The following SP8 variants were observed in gnomAD, a reference collection of about 807,000 sequenced individuals.
SP8 encodes transcription factor Sp8.
Under a neutral mutation model 15.3 loss-of-function variants are expected in SP8, and 7 were observed. The observed-to-expected ratio is 0.46, with a 90% CI of 0.26 to 0.86. The LOEUF (loss-of-function observed/expected upper bound fraction) is 0.86, where lower values mean the gene tolerates loss of function less well. Among genes scored for constraint, SP8 ranks in the 40% least tolerant of loss-of-function variants. SP8 has a pLI of 0.16. For synonymous variants in SP8, 415 were observed against 356.3 expected (o/e 1.16, Z -1.86); for missense variants, 731 against 736.4 (o/e 0.99, Z 0.09).
chr7:20,786,479 C>G lies in SP8; in HGVS notation c.21+299G>C, dbSNP rs956632073. Among the ~76,000 whole-genome samples the G allele has an allele frequency of 6.6e-6, 1 of 152,094 alleles. No homozygotes were observed. Among genetic ancestry groups the G allele is most frequent in the Non-Finnish European group, 1.5e-5 (1 of 68,012 alleles). On this transcript the variant is annotated intron_variant, in intron 1 of 1. Coordinates refer to ENST00000418710, the MANE Select transcript of SP8 (RefSeq NM_182700.6). The surrounding 1 kb of genome is among the most constrained non-coding windows in gnomAD (Gnocchi z 4.4). ...AAGGAAAAACTTGCTCTCTTTACCC[C>G]CGAAATCGGTGCCTGTAAAATGGGC... is the stretch of plus-strand genomic sequence containing the variant.
chr7:20,784,237 C>T lies in SP8; in HGVS notation c.*53G>A. ...AGTTGAAGTCCGGACAGACAGGGCC[C>T]AAGAGGACTTGGTGGGAGGAGGTCG... On this transcript the variant is annotated 3_prime_UTR_variant, in exon 2 of 2. Transcript: ENST00000418710. 7.2e-7 allele frequency: 1 copy of T among 1,385,910 alleles called. No homozygotes were observed. Among genetic ancestry groups the T allele is most frequent in the Non-Finnish European group, 9.4e-7 (1 of 1,068,588 alleles). The allele number at this position is 1,385,910 out of a possible 1,614,324, so 85.9% of individuals were successfully genotyped here. A position where few individuals can be genotyped will look rare whatever the true frequency, so the allele number is the denominator to read the frequency against.
rs1783647118 is a variant in SP8 at position 20,785,529 on chromosome 7, AGCCGCGGCTGCTGCCGCG to A, written c.270_287del (p.Ala94_Ala99del). The stretch of plus-strand genomic sequence containing the variant: ...ACGAGTCGGACACCAGGGCCGCGGC[AGCCGCGGCTGCTGCCGCG>A]GCCGCCGCAGCCGCCGAGGACGAGC... On this transcript the variant is annotated inframe_deletion, in exon 2 of 2. Coordinates refer to ENST00000418710, the MANE Select transcript of SP8 (RefSeq NM_182700.6). The surrounding 1 kb of genome is among the most constrained non-coding windows in gnomAD (Gnocchi z 7.2). The A allele has an allele frequency of 1.7e-6, 2 of 1,143,700 alleles. No homozygotes were observed. The highest frequency in any genetic ancestry group is 1.5e-5 in the South Asian group (1 of 65,234). The allele number at this position is 1,143,700 out of a possible 1,614,324, so 70.8% of individuals were successfully genotyped here. A position where few individuals can be genotyped will look rare whatever the true frequency, so the allele number is the denominator to read the frequency against.
rs770441390 is a variant in SP8 at position 20,785,271 on chromosome 7, C to T, written c.546G>A (p.Lys182=). The part of the protein sequence containing the change: ...DGSHQPVFIS[K]VHTSVDGLQG... ...GCAGCCCGTCCACAGAGGTGTGCAC[C>T]TTGGAGATGAACACCGGCTGGTGGG... Residue 182 remains lysine, a synonymous_variant, in exon 2 of 2, where the codon AAG becomes AAA. Transcript: ENST00000418710. This position sits in a 1 kb window ranked among gnomAD's most constrained non-coding sequence, Gnocchi z 7.2. The T allele has an allele frequency of 1.9e-6, 3 of 1,578,320 alleles. No individual in the cohort carries two copies. The highest frequency in any genetic ancestry group is 1.7e-6 in the Non-Finnish European group (2 of 1,165,730).
At position 20,784,493 on chromosome 7, in the gene SP8, G is replaced by A; in HGVS notation, c.1324C>T (p.Arg442Cys). The A allele has an allele frequency of 6.4e-7, 1 of 1,557,328 alleles. No individual in the cohort carries two copies. ...CTGAGGTGGTCGCTGCGCATGAAGC[G>A]CTTGTTGCAAACTGGACAGGCGAAG... ...KRFACPVCNK[R>C]FMRSDHLSKH... The change falls in exon 2 of 2, where the codon CGC becomes TGC. Residue 442 changes from arginine (R) to cysteine (C), a missense_variant. Transcript: ENST00000418710.
Position 20,784,749 on chromosome 7 carries a change from C to T in SP8, c.1068G>A (p.Gln356=). ...GRATCDCPNC[Q]EAERLGPAGA... is the part of the protein sequence containing the mutation. ...CGGCAGGGCCCAGCCGCTCTGCCTC[C>T]TGGCAGTTGGGGCAGTCGCAGGTGG... is the stretch of plus-strand genomic sequence containing the variant. The change falls in exon 2 of 2, where the codon CAG becomes CAA. Residue 356 remains glutamine (Q), a synonymous_variant. Transcript: ENST00000418710. 6.3e-7 allele frequency: 1 copy of T among 1,584,894 alleles called. No individual in the cohort carries two copies. Among genetic ancestry groups the T allele is most frequent in the Middle Eastern group, 2.2e-4 (1 of 4,488 alleles).
chr7:20,785,943 C>T lies in SP8; in HGVS notation c.22-148G>A. On this transcript the variant is annotated intron_variant, in intron 1 of 1. Coordinates refer to ENST00000418710, the MANE Select transcript of SP8 (RefSeq NM_182700.6). The surrounding 1 kb of genome is among the most constrained non-coding windows in gnomAD (Gnocchi z 7.2). Reference sequence around the variant, plus strand: ...TCTCGCTGCGGCGCGCCGCCACCAACTCACCTGGCACCCCCAACAGCCCCG... The same window carrying T: ...TCTCGCTGCGGCGCGCCGCCACCAATTCACCTGGCACCCCCAACAGCCCCG... 6.8e-7 allele frequency: 1 copy of T among 1,465,584 alleles called. No homozygotes were observed. Among genetic ancestry groups the T allele is most frequent in the Non-Finnish European group, 9.0e-7 (1 of 1,105,574 alleles). The allele number at this position is 1,465,584 out of a possible 1,614,324, so 90.8% of individuals were successfully genotyped here.
In SP8 at chr7:20,785,615, T is replaced by A; in HGVS notation, c.202A>T (p.Ser68Cys). The A allele has an allele frequency of 6.3e-7, 1 of 1,590,684 alleles. No individual in the cohort carries two copies. Residue 68 changes from serine (S) to cysteine (C), a missense_variant, in exon 2 of 2, where the codon AGT (serine) becomes TGT (cysteine). Around this residue, in one of 3 missense-constraint regions of SP8, gnomAD observed 586 missense variants for 524.9 expected, o/e 1.12. Coordinates refer to ENST00000418710, the MANE Select transcript of SP8 (RefSeq NM_182700.6). This position sits in a 1 kb window ranked among gnomAD's most constrained non-coding sequence, Gnocchi z 7.2. ...SSASCNVVGS[S>C]LSSFGVSGAS... Reference sequence around the variant, plus strand: ...CCGGACACGCCGAAGCTTGAGAGACTGGAACCCACTACGTTGCAGCTGGCG... The same window carrying A: ...CCGGACACGCCGAAGCTTGAGAGACAGGAACCCACTACGTTGCAGCTGGCG...
chr7:20,786,144 GAGGA>G lies in SP8; in HGVS notation c.22-353_22-350del, dbSNP rs1215159920. The G allele has an allele frequency of 3.4e-6, 2 of 588,104 alleles. No homozygotes were observed. Among genetic ancestry groups the G allele is most frequent in the African/African-American group, 2.0e-5 (1 of 51,000 alleles). 36.4% of individuals were successfully genotyped at this position (588,104 alleles called of 1,614,324 possible). ...AAACAAGCAAAAAGTCCAGATTGGA[GAGGA>G]AGGAAGTTTTCTTTGCCGAGAAGCC... On this transcript the variant is annotated intron_variant, in intron 1 of 1. Transcript: ENST00000418710. The surrounding 1 kb of genome is among the most constrained non-coding windows in gnomAD (Gnocchi z 4.4).
chr7:20,785,252 C>G lies in SP8; in HGVS notation c.565G>C (p.Gly189Arg), dbSNP rs748563164. ...FISKVHTSVD[G>R]LQGIYPRVGM... is the part of the protein sequence containing the mutation. Reference sequence around the variant, plus strand: ...ACCCGCGGGTAGATGCCCTGCAGCCCGTCCACAGAGGTGTGCACCTTGGAG... The same window carrying G: ...ACCCGCGGGTAGATGCCCTGCAGCCGGTCCACAGAGGTGTGCACCTTGGAG... The change falls in exon 2 of 2, where the codon GGG (glycine) becomes CGG (arginine). Residue 189 changes from glycine to arginine, a missense_variant. Around this residue, in one of 3 missense-constraint regions of SP8, gnomAD observed 586 missense variants for 524.9 expected, o/e 1.12. Coordinates refer to ENST00000418710, the MANE Select transcript of SP8 (RefSeq NM_182700.6). The surrounding 1 kb of genome is among the most constrained non-coding windows in gnomAD (Gnocchi z 7.2). 10 of 1,596,144 alleles carry G rather than the reference C, an allele frequency of 6.3e-6. No individual in the cohort carries two copies. Among genetic ancestry groups the G allele is most frequent in the Non-Finnish European group, 8.5e-6 (10 of 1,173,266 alleles).
rs1222847681 is a variant in SP8 at position 20,783,902 on chromosome 7, T to C, written c.*388A>G. 3 of 188,734 alleles carry C rather than the reference T, an allele frequency of 1.6e-5. No homozygotes were observed. The highest frequency in any genetic ancestry group is 2.8e-4 in the East Asian group (2 of 7,068). 11.7% of individuals were successfully genotyped at this position (188,734 alleles called of 1,614,324 possible). On this transcript the variant is annotated 3_prime_UTR_variant, in exon 2 of 2. Transcript: ENST00000418710. ...GCGAGGCCCGCTGTCTACCAGGCACTGGATTAGTCCAGCTCTACCTCCAGT... is the reference window on the plus strand; with the variant it reads ...GCGAGGCCCGCTGTCTACCAGGCACCGGATTAGTCCAGCTCTACCTCCAGT...
At position 20,785,411 on chromosome 7, in the gene SP8, T is replaced by C; in HGVS notation, c.406A>G (p.Ser136Gly). 8.1e-7 allele frequency: 1 copy of C among 1,235,876 alleles called. No homozygotes were observed. The highest frequency in any genetic ancestry group is 1.0e-6 in the Non-Finnish European group (1 of 973,434). The allele number at this position is 1,235,876 out of a possible 1,614,324, so 76.6% of individuals were successfully genotyped here. A position where few individuals can be genotyped will look rare whatever the true frequency, so the allele number is the denominator to read the frequency against. Residue 136 changes from serine (S) to glycine (G), a missense_variant, in exon 2 of 2, where the codon AGC (serine) becomes GGC (glycine). Transcript: ENST00000418710. The surrounding 1 kb of genome is among the most constrained non-coding windows in gnomAD (Gnocchi z 7.2). ...AAAAAAAAAS[S>G]SPFANDYSVF... Reference sequence around the variant, plus strand: ...GAGTAGTCGTTGGCGAAGGGCGAGCTGGAGGCGGCGGCTGCGGCGGCGGCG... The same window carrying C: ...GAGTAGTCGTTGGCGAAGGGCGAGCCGGAGGCGGCGGCTGCGGCGGCGGCG...
At position 20,784,775 on chromosome 7, in the gene SP8, C is replaced by T. The variant is rs1362242086; in HGVS notation, c.1042G>A (p.Ala348Thr). The T allele has an allele frequency of 3.9e-6, 6 of 1,551,560 alleles. No homozygotes were observed. Among genetic ancestry groups the T allele is most frequent in the African/African-American group, 1.4e-5 (1 of 72,234 alleles). The change falls in exon 2 of 2, where the codon GCC becomes ACC. Residue 348 changes from alanine (A) to threonine (T), a missense_variant. Transcript: ENST00000418710. ...TGGCAGTTGGGGCAGTCGCAGGTGG[C>T]GCGGCCGGAGTAGCGGCGAGCTGAG... The part of the protein sequence containing the change: ...RSSARRYSGR[A>T]TCDCPNCQEA...
rs769341609 is a variant in SP8, at chr7:20,785,537, C to G, written c.280G>C (p.Ala94Pro). The G allele has an allele frequency of 5.8e-6, 8 of 1,370,136 alleles. No homozygotes were observed. Among genetic ancestry groups the G allele is most frequent in the African/African-American group, 1.6e-5 (1 of 64,344 alleles). The allele number at this position is 1,370,136 out of a possible 1,614,324, so 84.9% of individuals were successfully genotyped here. ...SSAAAAAAAA[A>P]AAAAALVSDS... is the part of the protein sequence containing the mutation. ...GACACCAGGGCCGCGGCAGCCGCGGCTGCTGCCGCGGCCGCCGCAGCCGCC... is the reference window on the plus strand; with the variant it reads ...GACACCAGGGCCGCGGCAGCCGCGGGTGCTGCCGCGGCCGCCGCAGCCGCC... Residue 94 changes from alanine to proline, a missense_variant, in exon 2 of 2, where the codon GCC (alanine) becomes CCC (proline). Transcript: ENST00000418710. The surrounding 1 kb of genome is among the most constrained non-coding windows in gnomAD (Gnocchi z 7.2).
rs1388662423 is a variant in SP8, at chr7:20,782,830, T to C, written c.*1460A>G. The C allele has an allele frequency of 7.0e-6, 1 of 141,856 alleles. No individual in the cohort carries two copies. Among genetic ancestry groups the C allele is most frequent in the East Asian group, 2.2e-4 (1 of 4,604 alleles). The allele number at this position is 141,856 out of a possible 1,614,324, so 8.8% of individuals were successfully genotyped here. ...TCAGAACTGCAACAATAACTCTTAA[T>C]ATTTTCTTGTGACAAAAAAAAAAAA... On this transcript the variant is annotated 3_prime_UTR_variant, in exon 2 of 2. Coordinates refer to ENST00000418710, the MANE Select transcript of SP8 (RefSeq NM_182700.6).
In SP8 at chr7:20,785,528, C is replaced by T. The variant is rs973541708; in HGVS notation, c.289G>A (p.Ala97Thr). 4 of 1,240,546 alleles carry T rather than the reference C, an allele frequency of 3.2e-6. No homozygotes were observed. Among genetic ancestry groups the T allele is most frequent in the South Asian group, 1.5e-5 (1 of 66,784 alleles). 76.8% of individuals were successfully genotyped at this position (1,240,546 alleles called of 1,614,324 possible). ...AAAAAAAAAAAAALVSDSFSC... is the reference protein window; with the variant it reads ...AAAAAAAAAATAALVSDSFSC... Reference sequence around the variant, plus strand: ...AACGAGTCGGACACCAGGGCCGCGGCAGCCGCGGCTGCTGCCGCGGCCGCC... The same window carrying T: ...AACGAGTCGGACACCAGGGCCGCGGTAGCCGCGGCTGCTGCCGCGGCCGCC... Residue 97 changes from alanine to threonine, a missense_variant, in exon 2 of 2, where the codon GCC (alanine) becomes ACC (threonine). Coordinates refer to ENST00000418710, the MANE Select transcript of SP8 (RefSeq NM_182700.6). This position sits in a 1 kb window ranked among gnomAD's most constrained non-coding sequence, Gnocchi z 7.2.
Position 20,784,711 on chromosome 7 carries a change from C to T in SP8, c.1106G>A (p.Arg369Gln). Residue 369 changes from arginine to glutamine, a missense_variant, in exon 2 of 2, where the codon CGG becomes CAG. By Grantham distance (43) the Arg-to-Gln change is conservative. Coordinates refer to ENST00000418710, the MANE Select transcript of SP8 (RefSeq NM_182700.6). ...ERLGPAGASL[R>Q]RKGLHSCHIP... ...GTGGCAGCTGTGCAGGCCCTTGCGCCGCAAGCTCGCCCCGGCAGGGCCCAG... is the reference window on the plus strand; with the variant it reads ...GTGGCAGCTGTGCAGGCCCTTGCGCTGCAAGCTCGCCCCGGCAGGGCCCAG... The T allele has an allele frequency of 6.3e-7, 1 of 1,598,926 alleles. No homozygotes were observed. Among genetic ancestry groups the T allele is most frequent in the Non-Finnish European group, 8.5e-7 (1 of 1,175,218 alleles).
Position 20,784,852 on chromosome 7 carries a change from C to A in SP8, c.965G>T (p.Gly322Val), listed in dbSNP as rs1294707479. The A allele has an allele frequency of 1.3e-6, 2 of 1,525,350 alleles. No individual in the cohort carries two copies. Among genetic ancestry groups the A allele is most frequent in the African/African-American group, 1.4e-5 (1 of 70,964 alleles). 94.5% of individuals were successfully genotyped at this position (1,525,350 alleles called of 1,614,324 possible). Residue 322 changes from glycine (G) to valine (V), a missense_variant, in exon 2 of 2, where the codon GGC (glycine) becomes GTC (valine). Coordinates refer to ENST00000418710, the MANE Select transcript of SP8 (RefSeq NM_182700.6). ...SAPSPLAGAG[G>V]SMLSAGPSAP... Reference sequence around the variant, plus strand: ...CGAAGGCCCAGCGCTCAACATGGAGCCCCCCGCGCCGGCCAGCGGCGACGG... The same window carrying A: ...CGAAGGCCCAGCGCTCAACATGGAGACCCCCGCGCCGGCCAGCGGCGACGG...
chr7:20,783,141 A>T lies in SP8; in HGVS notation c.*1149T>A, dbSNP rs1783544126. The T allele has an allele frequency of 6.7e-6, 1 of 149,562 alleles. No homozygotes were observed. The highest frequency in any genetic ancestry group is 1.5e-5 in the Non-Finnish European group (1 of 67,622). The allele number at this position is 149,562 out of a possible 1,614,324, so 9.3% of individuals were successfully genotyped here. A position where few individuals can be genotyped will look rare whatever the true frequency, so the allele number is the denominator to read the frequency against. On this transcript the variant is annotated 3_prime_UTR_variant, in exon 2 of 2. Transcript: ENST00000418710. The stretch of plus-strand genomic sequence containing the variant: ...TGTTTGTAAGTTTAAATCACACACA[A>T]AAAAGTTTAACCCTACGATCTTCAT...
Position 20,784,793 on chromosome 7 carries a change from G to A in SP8, c.1024C>T (p.Arg342Cys). 1 of 1,534,828 alleles carries A rather than the reference G, an allele frequency of 6.5e-7. No homozygotes were observed. Among genetic ancestry groups the A allele is most frequent in the South Asian group, 1.2e-5 (1 of 84,006 alleles). Residue 342 changes from arginine to cysteine, a missense_variant, in exon 2 of 2, where the codon CGC becomes TGC. This residue lies in a region of SP8 where 586 missense variants were observed against 524.9 expected (regional missense o/e 1.12). Coordinates refer to ENST00000418710, the MANE Select transcript of SP8 (RefSeq NM_182700.6). ...PLGGSPRSSA[R>C]RYSGRATCDC... Reference sequence around the variant, plus strand: ...CAGGTGGCGCGGCCGGAGTAGCGGCGAGCTGAGGAGCGCGGGGAGCCCCCC... The same window carrying A: ...CAGGTGGCGCGGCCGGAGTAGCGGCAAGCTGAGGAGCGCGGGGAGCCCCCC...
Sources: gnomAD v4.1 joint callset for allele counts (sites outside exome capture counted in the v4.1 genomes callset) on GRCh38, gnomAD v4.1.1 for gene constraint, gnomAD v4.1.1 regional missense constraint, Gnocchi (gnomAD v3.1) non-coding constraint, MANE v1.5 for transcripts, NCBI Gene and HGNC (gene_info 2026-07-23, HGNC 2026-07-21) for gene names.